The following TASP1 variants were observed in gnomAD, a reference collection of about 807,000 sequenced individuals.
TASP1 encodes taspase 1.
In TASP1, 16 loss-of-function variants were observed where a neutral mutation model predicts 56.6. The ratio of observed to expected loss-of-function variants is 0.28; its 90% CI spans 0.19 to 0.43. The LOEUF is 0.43. TASP1 is among the 20% of genes least tolerant of loss of function. The pLI is 1.00. For synonymous variants in TASP1, 179 were observed against 184.2 expected (o/e 0.97, Z 0.23); for missense variants, 393 against 511.6 (o/e 0.77, Z 2.24).
At chr20:13,373,422 G>A in the TASP1 span, among the ~76,000 whole-genome samples, 8 of 148,800 alleles carry the variant, frequency 5.4e-5, no homozygotes, top group East Asian at 1.9e-4. Context: ...TAGTATTTAT[G>A]ATAAGGCAGG....
chr20:13,401,205 A>G (rs1339922188), intron 13 of TASP1, among the ~76,000 whole-genome samples: 1 of 152,204 alleles, frequency 6.6e-6, no homozygotes, highest in African/African-American at 2.4e-5. Flanking sequence ...TAAAATTTTA[A>G]ATGTTTAAAT....
the TASP1 span, among the ~76,000 whole-genome samples, chr20:13,380,231 T>A: frequency 6.6e-6 from 1 of 152,236 alleles, no homozygotes; most frequent in Non-Finnish European, 1.5e-5. Flanking sequence ...TGGTCTTTGA[T>A]GTTGGTGACC....
the TASP1 span, among the ~76,000 whole-genome samples, chr20:13,313,829 G>C: frequency 6.6e-6 from 1 of 152,158 alleles, no homozygotes; most frequent in Non-Finnish European, 1.5e-5. Context: ...GAATTGTTAG[G>C]CCAGGAATTT....
the TASP1 span, among the ~76,000 whole-genome samples, chr20:13,220,326 C>G: frequency 1.3e-5 from 2 of 152,232 alleles, no homozygotes; most frequent in Non-Finnish European, 2.9e-5. Flanking sequence ...ATCTGACGCT[C>G]GGACTCCGCG....
chr20:13,278,758 C>T, the TASP1 span, among the ~76,000 whole-genome samples: 1 of 152,170 alleles, frequency 6.6e-6, no homozygotes, highest in Non-Finnish European at 1.5e-5. Context: ...TGTCTCTGCT[C>T]CATGTGATGT....
chr20:13,247,520 G>T, the TASP1 span, among the ~76,000 whole-genome samples: 2 of 85,324 alleles, frequency 2.3e-5, no homozygotes, highest in Admixed American at 1.1e-4. Context: ...AGTGAGGGGT[G>T]TGTGTGTGTG....
At chr20:13,341,757 T>C in the TASP1 span, among the ~76,000 whole-genome samples, 68 of 152,346 alleles carry the variant, frequency 4.5e-4, no homozygotes, top group Non-Finnish European at 6.3e-4. Flanking sequence ...GGTTGGTTCT[T>C]CTCATCTGAG....
chr20:13,451,222 A>G (rs2043604751), intron 11 of TASP1, among the ~76,000 whole-genome samples: 2 of 152,134 alleles, frequency 1.3e-5, no homozygotes, highest in South Asian at 2.1e-4. Flanking sequence ...TAGATTTAGC[A>G]TAAGTCCTAA....
intron 11 of TASP1, among the ~76,000 whole-genome samples, chr20:13,473,100 A>G (rs1451713729): frequency 6.6e-6 from 1 of 152,176 alleles, no homozygotes; most frequent in Non-Finnish European, 1.5e-5. Context: ...ACATCCATCA[A>G]TGATAGACTG....
chr20:13,289,236 A>G, the TASP1 span, among the ~76,000 whole-genome samples: 2 of 152,170 alleles, frequency 1.3e-5, no homozygotes, highest in African/African-American at 4.8e-5. Flanking sequence ...CTCTGGTTAG[A>G]TTGGGTTTTT....
Position 13,575,255 on chromosome 20 carries a change from C to G in TASP1, c.488+5642G>C, listed in dbSNP as rs531910839. Among the ~76,000 whole-genome samples, 7 of 152,252 alleles carry G rather than the reference C, an allele frequency of 4.6e-5. No homozygotes were observed. The East Asian group carries it at 1.4e-3, about 29-fold the overall frequency. ...ATGCAGCAAAGCATTTGACAAAGTA[C>G]AATACCTATTCCTACTAAAGTTCTC... On this transcript the variant is annotated intron_variant, in intron 6 of 13. Transcript: ENST00000337743.
the TASP1 span, among the ~76,000 whole-genome samples, chr20:13,135,083 T>C: frequency 6.6e-6 from 1 of 152,230 alleles, no homozygotes; most frequent in African/African-American, 2.4e-5. Flanking sequence ...TTCATTTTAT[T>C]GTTTGATTTG....
intron 12 of TASP1, among the ~76,000 whole-genome samples, chr20:13,417,827 T>G (rs2042309647): frequency 6.6e-6 from 1 of 152,038 alleles, no homozygotes; most frequent in African/African-American, 2.4e-5. Flanking sequence ...CGGTACACAG[T>G]GATTTTGTAA....
intron 11 of TASP1, among the ~76,000 whole-genome samples, chr20:13,454,668 T>C (rs2043761048): frequency 6.6e-6 from 1 of 152,152 alleles, no homozygotes; most frequent in African/African-American, 2.4e-5. Context: ...TGTCCCCTTG[T>C]CATTACATGA....
intron 10 of TASP1, among the ~76,000 whole-genome samples, chr20:13,495,700 T>G (rs558069906): frequency 6.6e-6 from 1 of 152,282 alleles, no homozygotes; most frequent in South Asian, 2.1e-4. Context: ...GGTTTTCATT[T>G]GACACTATTA....
the TASP1 span, among the ~76,000 whole-genome samples, chr20:13,120,128 A>C: frequency 6.6e-6 from 1 of 152,348 alleles, no homozygotes; most frequent in Admixed American, 6.5e-5. Context: ...GATTCGGCAA[A>C]TACTAAAGAT....
At chr20:13,428,563 C>A (rs1028052369) in intron 12 of TASP1, among the ~76,000 whole-genome samples, 1 of 152,132 alleles carries the variant, frequency 6.6e-6, no homozygotes, top group Non-Finnish European at 1.5e-5. Flanking sequence ...CTGTTTCATT[C>A]CAGGGACAAG....
intron 8 of TASP1, among the ~76,000 whole-genome samples, chr20:13,552,950 C>T (rs956642553): frequency 3.9e-5 from 6 of 151,922 alleles, no homozygotes; most frequent in African/African-American, 1.2e-4. Context: ...GAGACAGAGT[C>T]GGGGAGACAG....
chr20:13,458,098 T>C (rs765313946), intron 11 of TASP1, among the ~76,000 whole-genome samples: 3 of 152,140 alleles, frequency 2.0e-5, no homozygotes, highest in Non-Finnish European at 4.4e-5. Context: ...GTACAAAATA[T>C]AGTCAAGACA....
Sources: allele counts gnomAD v4.1 joint callset (sites outside exome capture counted in the v4.1 genomes callset), GRCh38; gene constraint gnomAD v4.1.1; transcripts MANE v1.5; gene names NCBI Gene and HGNC (gene_info 2026-07-23, HGNC 2026-07-21).